UTRN: variants seen among roughly 807,000 people sequenced by gnomAD.
UTRN encodes the protein dystrophin-related protein 1.
Under a neutral mutation model 463.9 loss-of-function variants are expected in UTRN, and 283 were observed. The ratio of observed to expected loss-of-function variants is 0.61; its 90% CI spans 0.55 to 0.67. The LOEUF is 0.67. Ranked by LOEUF, UTRN falls within the 30% of genes least tolerant of loss-of-function variation. UTRN has a pLI of 0.00. For synonymous variants in UTRN, 1,442 were observed against 1,431.5 expected (o/e 1.01, Z -0.17); for missense variants, 3,922 against 4,084.3 (o/e 0.96, Z 1.08).
chr6:144,331,101 T>A, intron 2 of UTRN: 3 of 858,404 alleles, frequency 3.5e-6, no homozygotes, highest in Non-Finnish European at 4.2e-6. Context: ...TCTCCGCCAA[T>A]AATTAGTGTG....
chr6:144,636,381 G>A (rs1777175144), intron 51 of UTRN, among the ~76,000 whole-genome samples: 1 of 151,374 alleles, frequency 6.6e-6, no homozygotes, highest in Admixed American at 6.6e-5. Flanking sequence ...TCACACACTG[G>A]GGCCTGTCAG....
intron 19 of UTRN, among the ~76,000 whole-genome samples, chr6:144,456,880 G>C (rs1449502346): frequency 1.3e-5 from 2 of 151,962 alleles, no homozygotes; most frequent in Non-Finnish European, 2.9e-5. Flanking sequence ...CAGGAAGTTT[G>C]GTGAAGGTCC....
At chr6:144,714,769 C>A (rs1786198648) in intron 53 of UTRN, among the ~76,000 whole-genome samples, 1 of 152,188 alleles carries the variant, frequency 6.6e-6, no homozygotes, top group South Asian at 2.1e-4. Context: ...GAGTTACATG[C>A]CCCTTGTTGT....
intron 50 of UTRN, among the ~76,000 whole-genome samples, chr6:144,561,857 T>C (rs951611336): frequency 6.6e-6 from 1 of 152,194 alleles, no homozygotes; most frequent in Non-Finnish European, 1.5e-5. Context: ...ATAATGTCTT[T>C]CTGATAAGTC....
chr6:144,644,314 A>G (rs1036113024), intron 51 of UTRN, among the ~76,000 whole-genome samples: 3 of 152,228 alleles, frequency 2.0e-5, no homozygotes, highest in Non-Finnish European at 4.4e-5. Context: ...GATGCAAAAT[A>G]TAAGAGCTTC....
At chr6:144,798,990 T>A (rs960687867) in intron 64 of UTRN, among the ~76,000 whole-genome samples, 1 of 152,244 alleles carries the variant, frequency 6.6e-6, no homozygotes. Context: ...TCTGTCCTCC[T>A]TGGCCTCCCA....
At chr6:144,771,734 A>G (rs1019157075) in intron 58 of UTRN, among the ~76,000 whole-genome samples, 173 bp from the exon 59 acceptor site, 1 of 152,040 alleles carries the variant, frequency 6.6e-6, no homozygotes, top group Non-Finnish European at 1.5e-5. Flanking sequence ...CAATGTTTCA[A>G]ATGTTAAGTA....
At chr6:144,391,773 C>T (rs1158607731) in intron 2 of UTRN, among the ~76,000 whole-genome samples, 5 of 152,152 alleles carry the variant, frequency 3.3e-5, no homozygotes, top group Admixed American at 6.5e-5. Flanking sequence ...TCCCCAGTAG[C>T]TGGGACTATA....
chr6:144,850,369 C>T (rs1782385827), intron 74 of UTRN, among the ~76,000 whole-genome samples: 1 of 152,048 alleles, frequency 6.6e-6, no homozygotes, highest in Non-Finnish European at 1.5e-5. Flanking sequence ...GAGGCATGGA[C>T]CAGTTTGGAT....
intron 2 of UTRN, among the ~76,000 whole-genome samples, chr6:144,303,227 G>A (rs754626586): frequency 6.6e-6 from 1 of 152,206 alleles, no homozygotes; most frequent in Non-Finnish European, 1.5e-5. Flanking sequence ...GTGGTTAGCA[G>A]TTAGTAACAG....
intron 50 of UTRN, among the ~76,000 whole-genome samples, chr6:144,570,820 G>A (rs1359374205): frequency 2.0e-5 from 3 of 152,210 alleles, no homozygotes; most frequent in South Asian, 2.1e-4. Context: ...ACCTCCCCTC[G>A]TAGCCTTGTC....
At chr6:144,669,257 G>GT (rs1057065115) in intron 51 of UTRN, among the ~76,000 whole-genome samples, 3 of 152,084 alleles carry the variant, frequency 2.0e-5, no homozygotes, top group South Asian at 2.1e-4. Flanking sequence ...GAAACTTTGA[G>GT]TTTAACTTTT....
intron 2 of UTRN, among the ~76,000 whole-genome samples, chr6:144,315,735 C>T (rs1316699296): frequency 2.0e-5 from 3 of 152,174 alleles, no homozygotes; most frequent in Non-Finnish European, 2.9e-5. Flanking sequence ...TCGTTTTTCA[C>T]CTTGGCCTCG....
At chr6:144,796,679 T>A (rs1777245962) in intron 63 of UTRN, among the ~76,000 whole-genome samples, 1 of 152,176 alleles carries the variant, frequency 6.6e-6, no homozygotes, top group African/African-American at 2.4e-5. Flanking sequence ...ATGTTACTAC[T>A]GATGTTATAC....
rs1790613390 is a variant in UTRN, at chr6:144,745,426, G to C, written c.7940-2820G>C. 2.0e-5 allele frequency among the ~76,000 whole-genome samples: 3 copies of C among 151,908 alleles called. No individual in the cohort carries two copies. The South Asian group carries it at 6.2e-4, about 32-fold the overall frequency. ...TTTGTTTTGTTTTTTACTTTGCTCT[G>C]TGCTTGGCTTAAAGTATGCATTCAG... is the stretch of plus-strand genomic sequence containing the variant. On this transcript the variant is annotated intron_variant, in intron 54 of 74. Transcript: ENST00000367545.
At chr6:144,468,025 A>ATTTTTT (rs111760920) in intron 23 of UTRN, among the ~76,000 whole-genome samples, 1 of 143,412 alleles carries the variant, frequency 7.0e-6, no homozygotes. Context: ...GCTTCACACT[A>ATTTTTT]TTTTTTTTTT....
chr6:144,810,320 C>T (rs1423406796), intron 65 of UTRN, among the ~76,000 whole-genome samples: 1 of 152,100 alleles, frequency 6.6e-6, no homozygotes, highest in Non-Finnish European at 1.5e-5. Context: ...TGTAAACATC[C>T]TTTTCTCTTG....
chr6:144,687,230 A>G (rs1351053097), intron 52 of UTRN, among the ~76,000 whole-genome samples: 5 of 152,116 alleles, frequency 3.3e-5, no homozygotes, highest in Non-Finnish European at 5.9e-5. Context: ...ATTGGTCTGT[A>G]CTTTTGTTTG....
At chr6:144,580,410 A>G (rs1801861790) in intron 51 of UTRN, among the ~76,000 whole-genome samples, 1 of 152,212 alleles carries the variant, frequency 6.6e-6, no homozygotes, top group Non-Finnish European at 1.5e-5. Flanking sequence ...TTTCAGGAAG[A>G]TAAAGCAGTT....
Sources: allele counts gnomAD v4.1 joint callset (sites outside exome capture counted in the v4.1 genomes callset), GRCh38; gene constraint gnomAD v4.1.1; transcripts MANE v1.5; gene names NCBI Gene and HGNC (gene_info 2026-07-23, HGNC 2026-07-21).